Variants in LUM observed in about 807,000 individuals in gnomAD.
LUM encodes lumican.
A neutral mutation model predicts 20.5 loss-of-function variants in LUM; 13 were observed. The ratio of observed to expected loss-of-function variants is 0.63; its 90% confidence interval spans 0.41 to 1.01. The LOEUF is 1.01. LUM is among the 50% of genes least tolerant of loss of function. The pLI is 0.00. For missense variants in LUM, 321 were observed against 391.1 expected (o/e 0.82, Z 1.51); for synonymous variants, 173 against 151.5 (o/e 1.14, Z -1.04).
At chr12:91,107,271 GAAAGAAAGAAAGAAAGAGAAAGAA>G (rs1319225202) in intron 2 of LUM, among the ~76,000 whole-genome samples, 1 of 75,698 alleles carries the variant, frequency 1.3e-5, no homozygotes, top group African/African-American at 5.9e-5. Flanking sequence ...AAGAAAGAAA[GAAAGAAAGAAAGAAAGAGAAAGAA>G]AGAAAGAAAG....
chr12:91,105,339 T>C lies in LUM; in HGVS notation c.863-1020A>G, dbSNP rs561053629. On this transcript the variant is annotated intron_variant, in intron 2 of 2. Coordinates refer to ENST00000266718, the MANE Select transcript of LUM (RefSeq NM_002345.4). ...CGTGTTGCATGAAGATTAAATTAAG[T>C]TGTGTAGAGCACTTCACACAATACT... Among the ~76,000 whole-genome samples the C allele has an allele frequency of 2.6e-5, 4 of 152,224 alleles. No homozygotes were observed. The South Asian group carries it at 6.2e-4, about 24-fold the overall frequency.
intron 2 of LUM, among the ~76,000 whole-genome samples, chr12:91,107,388 G>A (rs1880105287): frequency 6.6e-6 from 1 of 151,030 alleles, no homozygotes; most frequent in South Asian, 2.1e-4. Flanking sequence ...AGAGAGGGAG[G>A]GAGGGAGGGA....
intron 2 of LUM, among the ~76,000 whole-genome samples, chr12:91,107,778 C>T (rs1880114999): frequency 6.6e-6 from 1 of 151,840 alleles, no homozygotes; most frequent in African/African-American, 2.4e-5. Flanking sequence ...TACAGTGGCA[C>T]GATCTCGGCT....
chr12:91,107,271 GAAAGAAAGAAAGAAAGAGAA>G (rs1233152930), intron 2 of LUM, among the ~76,000 whole-genome samples: 1 of 75,622 alleles, frequency 1.3e-5, no homozygotes, highest in Non-Finnish European at 2.6e-5. Flanking sequence ...AAGAAAGAAA[GAAAGAAAGAAAGAAAGAGAA>G]AGAAAGAAAG....
At chr12:91,109,548 G>A (rs190889416) in intron 1 of LUM, among the ~76,000 whole-genome samples, 1 of 152,204 alleles carries the variant, frequency 6.6e-6, no homozygotes, top group East Asian at 1.9e-4. Flanking sequence ...TCTGAGGAAG[G>A]AGAACAGAAT....
chr12:91,110,742 A>C (rs1375480047), intron 1 of LUM, among the ~76,000 whole-genome samples: 1 of 152,108 alleles, frequency 6.6e-6, no homozygotes, highest in African/African-American at 2.4e-5. Context: ...CCATATAATG[A>C]CTCCACTATG....
At chr12:91,109,135 G>A (rs1352763293) in intron 1 of LUM, 135 bp from the exon 2 acceptor site, 2 of 671,968 alleles carry the variant, frequency 3.0e-6, no homozygotes, top group Non-Finnish European at 4.9e-6. Context: ...ATCTAACAGC[G>A]TCTTTTAAAT....
Position 91,108,516 on chromosome 12 carries a change from A to G in LUM, c.464T>C (p.Phe155Ser), listed in dbSNP as rs1880130187. Residue 155 changes from phenylalanine (F) to serine (S), a missense_variant, in exon 2 of 3, where the codon TTT (phenylalanine) becomes TCT (serine). Phe to Ser is a radical substitution (Grantham distance 155). Transcript: ENST00000266718. The surrounding 1 kb of genome is among the most constrained non-coding windows in gnomAD (Gnocchi z 4.2). ...GAAGGTCAGGTTTACCAATCCTTCA[A>G]AAGAGCCCAGCTTTGTGATCTTGTT... Reference protein sequence around the residue: ...THNKITKLGSFEGLVNLTFIH... With the variant: ...THNKITKLGSSEGLVNLTFIH... 6.2e-7 allele frequency: 1 copy of G among 1,613,302 alleles called. No homozygotes were observed. Among genetic ancestry groups the G allele is most frequent in the Non-Finnish European group, 8.5e-7 (1 of 1,179,362 alleles).
intron 1 of LUM, among the ~76,000 whole-genome samples, 163 bp downstream of exon 1, chr12:91,111,235 T>C (rs1043153966): frequency 1.3e-5 from 2 of 152,160 alleles, no homozygotes; most frequent in Non-Finnish European, 2.9e-5. Context: ...CTATAAATCA[T>C]GGAAAACATA....
At chr12:91,110,532 T>C (rs531500243) in intron 1 of LUM, among the ~76,000 whole-genome samples, 1 of 152,332 alleles carries the variant, frequency 6.6e-6, no homozygotes, top group African/African-American at 2.4e-5. Flanking sequence ...AAGAACGTGA[T>C]GACATATTCC....
At position 91,108,384 on chromosome 12, in the gene LUM, A is replaced by G. The variant is rs147975710; in HGVS notation, c.596T>C (p.Leu199Pro). The G allele has an allele frequency of 3.7e-3, 6,033 of 1,614,186 alleles. 11 individuals carry two copies. The highest frequency in any genetic ancestry group is 4.7e-3 in the Non-Finnish European group (5,539 of 1,180,010). ...LDLSFNQIAR[L>P]PSGLPVSLLT... is the part of the protein sequence containing the mutation. ...AAGAGAGACAGGGAGACCAGAAGGC[A>G]GTCTGGCTATCTGATTGAAGCTCAA... Residue 199 changes from leucine to proline, a missense_variant, in exon 2 of 3, where the codon CTG (leucine) becomes CCG (proline). Transcript: ENST00000266718. This position sits in a 1 kb window ranked among gnomAD's most constrained non-coding sequence, Gnocchi z 4.2.
chr12:91,111,285 T>C (rs1880198075), intron 1 of LUM, 113 bp downstream of exon 1: 1 of 152,210 alleles, frequency 6.6e-6, no homozygotes. Flanking sequence ...ACTGTGGATT[T>C]GCTGTTGAAT....
chr12:91,105,835 T>C (rs1880018150), intron 2 of LUM, among the ~76,000 whole-genome samples: 1 of 152,232 alleles, frequency 6.6e-6, no homozygotes, highest in South Asian at 2.1e-4. Context: ...TTCTGTATCC[T>C]TCTTTGTTTC....
chr12:91,104,059 A>G lies in LUM; in HGVS notation c.*106T>C. 2 of 946,258 alleles carry G rather than the reference A, an allele frequency of 2.1e-6. No individual in the cohort carries two copies. Among genetic ancestry groups the G allele is most frequent in the Non-Finnish European group, 3.2e-6 (2 of 620,230 alleles). The allele number at this position is 946,258 out of a possible 1,614,324, so 58.6% of individuals were successfully genotyped here. A position where few individuals can be genotyped will look rare whatever the true frequency, so the allele number is the denominator to read the frequency against. On this transcript the variant is annotated 3_prime_UTR_variant, in exon 3 of 3. Coordinates refer to ENST00000266718, the MANE Select transcript of LUM (RefSeq NM_002345.4). Reference sequence around the variant, plus strand: ...TAAATGTTTACAAAACATTTCCCTCAGATTTTAAAATTCATGGAAGTAATA... The same window carrying G: ...TAAATGTTTACAAAACATTTCCCTCGGATTTTAAAATTCATGGAAGTAATA...
intron 2 of LUM, among the ~76,000 whole-genome samples, chr12:91,107,303 A>AG (rs1880092642): frequency 1.5e-5 from 2 of 136,422 alleles, no homozygotes; most frequent in African/African-American, 3.0e-5. Flanking sequence ...GAAAGAAAGA[A>AG]AGAAAGAAAG....
chr12:91,108,599 G>A lies in LUM; in HGVS notation c.381C>T (p.Asn127=), dbSNP rs754025249. ...QLKKLHINHN[N]LTESVGPLPK... Reference sequence around the variant, plus strand: ...GAAGTGGGCCCACAGACTCTGTCAGGTTGTTGTGGTTTATATGCAGCTTCT... The same window carrying A: ...GAAGTGGGCCCACAGACTCTGTCAGATTGTTGTGGTTTATATGCAGCTTCT... Residue 127 remains asparagine (N), a synonymous_variant, in exon 2 of 3, where the codon AAC becomes AAT. Coordinates refer to ENST00000266718, the MANE Select transcript of LUM (RefSeq NM_002345.4). The surrounding 1 kb of genome is among the most constrained non-coding windows in gnomAD (Gnocchi z 4.2). 2 of 1,612,978 alleles carry A rather than the reference G, an allele frequency of 1.2e-6. No homozygotes were observed. Among genetic ancestry groups the A allele is most frequent in the Non-Finnish European group, 1.7e-6 (2 of 1,179,564 alleles).
chr12:91,108,560 C>T lies in LUM; in HGVS notation c.420G>A (p.Glu140=). ...TCTTGTTATGAGTAAGCTGCAGATC[C>T]TCCAGAGATTTGGGAAGTGGGCCCA... ...ESVGPLPKSL[E]DLQLTHNKIT... Residue 140 remains glutamate, a synonymous_variant, in exon 2 of 3, where the codon GAG becomes GAA. Coordinates refer to ENST00000266718, the MANE Select transcript of LUM (RefSeq NM_002345.4). This position sits in a 1 kb window ranked among gnomAD's most constrained non-coding sequence, Gnocchi z 4.2. 6.2e-7 allele frequency: 1 copy of T among 1,610,822 alleles called. No homozygotes were observed. The highest frequency in any genetic ancestry group is 8.5e-7 in the Non-Finnish European group (1 of 1,177,778).
At chr12:91,106,681 T>A (rs2121044548) in intron 2 of LUM, among the ~76,000 whole-genome samples, 1 of 121,436 alleles carries the variant, frequency 8.2e-6, no homozygotes, top group Admixed American at 9.5e-5. Flanking sequence ...TGTAACACTA[T>A]TTTTCTTCTA....
chr12:91,109,793 A>C (rs984850083), intron 1 of LUM, among the ~76,000 whole-genome samples: 3 of 152,182 alleles, frequency 2.0e-5, no homozygotes, highest in Non-Finnish European at 4.4e-5. Flanking sequence ...GTATTTTCCA[A>C]GTTTTCAATT....
Sources: allele counts gnomAD v4.1 joint callset (sites outside exome capture counted in the v4.1 genomes callset), GRCh38; gene constraint gnomAD v4.1.1; non-coding constraint Gnocchi (gnomAD v3.1); transcripts MANE v1.5; gene names NCBI Gene and HGNC (gene_info 2026-07-23, HGNC 2026-07-21).